RECQL4: variants seen among roughly 807,000 people sequenced by gnomAD.
The protein encoded by RECQL4 is ATP-dependent DNA helicase Q4.
A neutral mutation model predicts 128.6 loss-of-function variants in RECQL4; 158 were observed. The ratio of observed to expected loss-of-function variants is 1.23; its 90% CI spans 1.08 to 1.40. RECQL4 has a LOEUF of 1.40. Among genes scored for constraint, RECQL4 ranks in the 40% most tolerant of loss-of-function variants. The pLI, the probability that RECQL4 is intolerant of heterozygous loss-of-function variation, is 0.00. For missense variants in RECQL4, 2,293 were observed against 1,649.8 expected, an observed-to-expected ratio of 1.39 and a Z score of -6.75; for synonymous variants, 996 against 678.9, an observed-to-expected ratio of 1.47 and a Z score of -7.26.
rs1827160338 is a variant in RECQL4 at position 144,511,378 on chromosome 8, G to A, written c.*53C>T. The A allele has an allele frequency of 6.9e-6, 11 of 1,600,024 alleles. No homozygotes were observed. Among genetic ancestry groups the A allele is most frequent in the Non-Finnish European group, 9.4e-6 (11 of 1,169,550 alleles). On this transcript the variant is annotated 3_prime_UTR_variant, in exon 21 of 21. Coordinates refer to ENST00000617875, the MANE Select transcript of RECQL4 (RefSeq NM_004260.4). Reference sequence around the variant, plus strand: ...GGTTTTGCCCAGGTCCTCAGTCACTGCCCTAGCCTCTGACAACCCCAGCTC... The same window carrying A: ...GGTTTTGCCCAGGTCCTCAGTCACTACCCTAGCCTCTGACAACCCCAGCTC...
Position 144,517,458 on chromosome 8 carries a change from C to T in RECQL4, c.169G>A (p.Gly57Ser), listed in dbSNP as rs1060501373. 5 of 1,594,628 alleles carry T rather than the reference C, an allele frequency of 3.1e-6. No homozygotes were observed. The highest frequency in any genetic ancestry group is 3.4e-6 in the Non-Finnish European group (4 of 1,175,258). ...AGCGACTCGGAGCTGCGGAGCCCGC[C>T]GCCGGCCTGGCCCGTGGTACGCTTC... The part of the protein sequence containing the change: ...TLKRTTGQAG[G>S]GLRSSESLPA... Residue 57 changes from glycine to serine, a missense_variant, in exon 3 of 21, where the codon GGC becomes AGC. Transcript: ENST00000617875.
rs1060504218 is a variant in RECQL4, at chr8:144,512,173, A to T, written c.3207T>A (p.Arg1069=). The change falls in exon 18 of 21, where the codon CGT becomes CGA. Residue 1069 remains arginine (R), a synonymous_variant. Transcript: ENST00000617875. ...VQARERQALA[R]LRRTFQAFHS... ...GAAAGGCCTGGAAGGTTCTGCGCAG[A>T]CGGGCCAGGGCCTGGCGCTCCCGGG... 6.2e-7 allele frequency: 1 copy of T among 1,611,378 alleles called. No homozygotes were observed. Among genetic ancestry groups the T allele is most frequent in the Non-Finnish European group, 8.5e-7 (1 of 1,179,348 alleles).
chr8:144,515,597 G>C, intron 6 of RECQL4, 140 bp from the exon 7 acceptor site: 4 of 1,487,506 alleles, frequency 2.7e-6, no homozygotes, highest in Non-Finnish European at 3.7e-6. Flanking sequence ...GCAGAAAAGA[G>C]TGACAGCCAT....
intron 6 of RECQL4, 127 bp downstream of exon 6, chr8:144,515,637 G>C: frequency 6.9e-7 from 1 of 1,450,864 alleles, no homozygotes. Context: ...CTTCAGGGGA[G>C]CTAGGGTAGG....
At chr8:144,511,828 G>T (rs188078422) in intron 19 of RECQL4, 39 bp from the exon 20 acceptor site, 2 of 1,610,414 alleles carry the variant, frequency 1.2e-6, no homozygotes, top group Non-Finnish European at 1.7e-6. Context: ...CTGAGCTCCC[G>T]TGGCACTGCA....
rs751765974 is a variant in RECQL4 at position 144,513,415 on chromosome 8, CCCG to C, written c.2263_2265del (p.Arg755del). On this transcript the variant is annotated inframe_deletion, in exon 14 of 21. Coordinates refer to ENST00000617875, the MANE Select transcript of RECQL4 (RefSeq NM_004260.4). ...TGGCCCTGCATGAAGGCTCGCTGTA[CCCG>C]CCGCCGTTCCCGGCTGCACATGCCC... The C allele has an allele frequency of 1.9e-6, 3 of 1,609,218 alleles. No individual in the cohort carries two copies. Among genetic ancestry groups the C allele is most frequent in the South Asian group, 2.2e-5 (2 of 91,054 alleles).
chr8:144,517,337 T>A, intron 3 of RECQL4, 77 bp downstream of exon 3: 1 of 1,477,266 alleles, frequency 6.8e-7, no homozygotes, highest in Non-Finnish European at 9.0e-7. Context: ...CACGGCGGCC[T>A]GGCCGCGACT....
intron 20 of RECQL4, 59 bp from the exon 21 acceptor site, chr8:144,511,614 C>T: frequency 8.7e-6 from 14 of 1,607,606 alleles, no homozygotes; most frequent in Non-Finnish European, 1.2e-5. Flanking sequence ...CGGGTGGAGC[C>T]TCCCAGGCCT....
At position 144,512,659 on chromosome 8, in the gene RECQL4, G is replaced by A. The variant is rs1586796769; in HGVS notation, c.2868C>T (p.Leu956=). Residue 956 remains leucine, a synonymous_variant, in exon 16 of 21, where the codon CTC becomes CTT. Coordinates refer to ENST00000617875, the MANE Select transcript of RECQL4 (RefSeq NM_004260.4). ...GTGCTTACCTGTGGGCCAGGGCCTGGAGCTGGGCAGGGCCCCCAGGGCAGT... is the reference window on the plus strand; with the variant it reads ...GTGCTTACCTGTGGGCCAGGGCCTGAAGCTGGGCAGGGCCCCCAGGGCAGT... ...RLNCPGGPAQ[L]QALAHRCPPL... The A allele has an allele frequency of 1.9e-6, 3 of 1,612,592 alleles. No individual in the cohort carries two copies. Among genetic ancestry groups the A allele is most frequent in the Non-Finnish European group, 2.5e-6 (3 of 1,179,804 alleles).
Position 144,513,914 on chromosome 8 carries a change from G to C in RECQL4, c.2058+14C>G. The C allele has an allele frequency of 6.5e-7, 1 of 1,550,376 alleles. No individual in the cohort carries two copies. The highest frequency in any genetic ancestry group is 8.7e-7 in the Non-Finnish European group (1 of 1,147,618). On this transcript the variant is annotated intron_variant, in intron 12 of 20. Transcript: ENST00000617875. ...GCCAGGGCCCTGCAGGGTCCCCAGA[G>C]CACACACACCCACCTGGTCTGTGTC...
At chr8:144,514,914 G>A in intron 9 of RECQL4, 22 bp downstream of exon 9, 1 of 1,609,464 alleles carries the variant, frequency 6.2e-7, no homozygotes. Context: ...GTGTACGTGT[G>A]CCCAGGGCCC....
At chr8:144,514,140 C>T (rs772027040) in intron 11 of RECQL4, 33 bp from the exon 12 acceptor site, 5 of 1,610,674 alleles carry the variant, frequency 3.1e-6, no homozygotes, top group South Asian at 2.2e-5. Context: ...GTGAGGCCGC[C>T]CAGCCCATCC....
chr8:144,517,364 T>C (rs1288783838), intron 3 of RECQL4, 50 bp downstream of exon 3: 3 of 1,514,112 alleles, frequency 2.0e-6, no homozygotes, highest in African/African-American at 2.8e-5. Flanking sequence ...CTCCCGCCAC[T>C]CCGCCAAACA....
Position 144,514,555 on chromosome 8 carries a change from C to A in RECQL4, c.1621-30G>T, listed in dbSNP as rs776960806. ...AAATGCAGGAGCGACAGCCGTCATA[C>A]GCCAGCCCAGCCCTGGCCCTTCCCC... On this transcript the variant is annotated intron_variant, in intron 9 of 20. Coordinates refer to ENST00000617875, the MANE Select transcript of RECQL4 (RefSeq NM_004260.4). The A allele has an allele frequency of 6.3e-6, 10 of 1,597,832 alleles. No individual in the cohort carries two copies. In the African/African-American group the frequency reaches 6.7e-5, roughly 11 times the overall value.
In RECQL4 at chr8:144,516,918, G is replaced by C. The variant is rs1335288176; in HGVS notation, c.354+132C>G. On this transcript the variant is annotated intron_variant, in intron 4 of 20. Coordinates refer to ENST00000617875, the MANE Select transcript of RECQL4 (RefSeq NM_004260.4). The stretch of plus-strand genomic sequence containing the variant: ...GAGTCAAGGGCGAAGGCCCCGAGAA[G>C]CTCCCTGAAGACTCGTGCCCTGGTT... 9 of 1,418,818 alleles carry C rather than the reference G, an allele frequency of 6.3e-6. No individual in the cohort carries two copies. The African/African-American group carries it at 8.6e-5, about 14-fold the overall frequency. 87.9% of individuals were successfully genotyped at this position (1,418,818 alleles called of 1,614,324 possible).
rs770874039 is a variant in RECQL4, at chr8:144,516,070, CT to C, written c.1048del (p.Arg350GlyfsTer9). On this transcript the variant is annotated frameshift_variant, in exon 5 of 21. Coordinates refer to ENST00000617875, the MANE Select transcript of RECQL4 (RefSeq NM_004260.4). LOFTEE classifies it high-confidence loss of function. ...HIFPRLARHD[R>X]GNYVRLNMKQ... ...CATGTTGAGCCGTACGTAATTGCCCCTGTCATGGCGGGCCAGCCGAGGGAAG... is the reference window on the plus strand; with the variant it reads ...CATGTTGAGCCGTACGTAATTGCCCCGTCATGGCGGGCCAGCCGAGGGAAG... The C allele has an allele frequency of 5.0e-6, 8 of 1,612,416 alleles. No individual in the cohort carries two copies. Among genetic ancestry groups the C allele is most frequent in the East Asian group, 2.2e-5 (1 of 44,880 alleles).
In RECQL4 at chr8:144,513,174, C is replaced by T. The variant is rs772173485; in HGVS notation, c.2464-36G>A. ...ACTTTCATGAGGGTGGGGTGGACCA[C>T]TGGGGGCTCGAGCACTGGCAGTGTG... On this transcript the variant is annotated intron_variant, in intron 14 of 20. Transcript: ENST00000617875. The T allele has an allele frequency of 4.1e-6, 6 of 1,472,734 alleles. No homozygotes were observed. The East Asian group carries it at 9.4e-5, about 23-fold the overall frequency. 91.2% of individuals were successfully genotyped at this position (1,472,734 alleles called of 1,614,324 possible).
At position 144,511,677 on chromosome 8, in the gene RECQL4, T is replaced by C. The variant is rs1586788693; in HGVS notation, c.3502+4A>G. On this transcript the variant is annotated splice_donor_region_variant and intron_variant, in intron 20 of 20. Coordinates refer to ENST00000617875, the MANE Select transcript of RECQL4 (RefSeq NM_004260.4). ...TGCAGCGGGTGGGGCCTCCCAGGCCTCACCGATGCCGTGGAAGATGCGGGC... is the reference window on the plus strand; with the variant it reads ...TGCAGCGGGTGGGGCCTCCCAGGCCCCACCGATGCCGTGGAAGATGCGGGC... The C allele has an allele frequency of 3.1e-6, 5 of 1,611,940 alleles. No homozygotes were observed. The highest frequency in any genetic ancestry group is 4.2e-6 in the Non-Finnish European group (5 of 1,179,354).
chr8:144,516,833 C>T (rs554349765), intron 4 of RECQL4, 69 bp from the exon 5 acceptor site: 17 of 1,444,944 alleles, frequency 1.2e-5, no homozygotes, highest in African/African-American at 5.7e-5. Flanking sequence ...CTAAAACCTA[C>T]CTGAGTCCCC....
Sources: allele counts gnomAD v4.1 joint callset, GRCh38; gene constraint gnomAD v4.1.1; transcripts MANE v1.5; gene names NCBI Gene and HGNC (gene_info 2026-07-23, HGNC 2026-07-21).